The following WIZ variants were observed in gnomAD, a reference collection of about 807,000 sequenced individuals.
The protein encoded by WIZ is protein Wiz.
WIZ carries 25 observed loss-of-function variants against 140.2 expected under a neutral mutation model. That is an observed-to-expected ratio of 0.18 (90% CI 0.13 to 0.25). The LOEUF (loss-of-function observed/expected upper bound fraction) is 0.25, where lower values mean the gene tolerates loss of function less well. Among genes scored for constraint, WIZ ranks in the 10% least tolerant of loss-of-function variants. The probability of loss-of-function intolerance (pLI) is 1.00; values close to 1 mark genes in which losing one functional copy is unlikely to be tolerated. For synonymous variants in WIZ, 1,125 were observed against 1,154.3 expected (o/e 0.97, Z 0.51); for missense variants, 2,231 against 2,632.6 (o/e 0.85, Z 3.34).
At chr19:15,426,630 T>G (rs1968839622) in intron 9 of WIZ, among the ~76,000 whole-genome samples, 1 of 152,250 alleles carries the variant, frequency 6.6e-6, no homozygotes. Context: ...AGACGTTCAC[T>G]GCCAGTCCCT....
In WIZ at chr19:15,432,576, G is replaced by C. The variant is rs1012451690; in HGVS notation, c.2741-1394C>G. 4.0e-4 allele frequency: 206 copies of C among 517,676 alleles called. 1 individual carries two copies. The highest frequency in any genetic ancestry group is 4.7e-4 in the Non-Finnish European group (191 of 406,440). The allele number at this position is 517,676 out of a possible 1,614,324, so 32.1% of individuals were successfully genotyped here. ...GCGGCGGCGCGGGGGGTGCCGCGGG[G>C]CCCGGGCTCGGGGGGCTGGGCGGGG... On this transcript the variant is annotated intron_variant, in intron 5 of 12. Coordinates refer to ENST00000673675, the MANE Select transcript of WIZ (RefSeq NM_001371589.1).
At position 15,428,399 on chromosome 19, in the gene WIZ, G is replaced by A. The variant is rs1234237467; in HGVS notation, c.3525C>T (p.Gly1175=). The change falls in exon 8 of 13, where the codon GGC becomes GGT. Residue 1175 remains glycine (G), a synonymous_variant. Transcript: ENST00000673675. This position sits in a 1 kb window ranked among gnomAD's most constrained non-coding sequence, Gnocchi z 6.4. ...ATCCCTTGGCGTCCGGATCGCTGAC[G>A]CCCAGGTGGCGCAGGTGGGCACGGG... ...SHARAHLRHL[G]VSDPDAKGSP... is the part of the protein sequence containing the mutation. 3.3e-6 allele frequency: 5 copies of A among 1,535,554 alleles called. No homozygotes were observed. Among genetic ancestry groups the A allele is most frequent in the East Asian group, 2.4e-5 (1 of 40,900 alleles).
intron 2 of WIZ, among the ~76,000 whole-genome samples, chr19:15,447,531 C>T (rs1183596032): frequency 6.6e-6 from 1 of 152,238 alleles, no homozygotes; most frequent in Non-Finnish European, 1.5e-5. Context: ...TTCCCAGTGC[C>T]TAGCACATAC....
Position 15,439,941 on chromosome 19 carries a change from C to T in WIZ, c.1053G>A (p.Pro351=), listed in dbSNP as rs982796916. ...CCCAGCCACACTCCCCGCAGGCCAG[C>T]GGGGCCAGGTCCGCAGGGGGCTCCT... ...PGQEPPADLA[P]LACGECGWAF... Residue 351 remains proline (P), a synonymous_variant, in exon 4 of 13, where the codon CCG becomes CCA. Coordinates refer to ENST00000673675, the MANE Select transcript of WIZ (RefSeq NM_001371589.1). This position sits in a 1 kb window ranked among gnomAD's most constrained non-coding sequence, Gnocchi z 7.0. 8.1e-5 allele frequency: 124 copies of T among 1,534,034 alleles called. No individual in the cohort carries two copies. The highest frequency in any genetic ancestry group is 6.3e-4 in the African/African-American group (46 of 73,114).
At chr19:15,443,641 A>C (rs1402460814) in intron 2 of WIZ, among the ~76,000 whole-genome samples, 1 of 152,138 alleles carries the variant, frequency 6.6e-6, no homozygotes, top group African/African-American at 2.4e-5. Context: ...TTTCTTTCTT[A>C]GAACTTTCTG....
intron 2 of WIZ, among the ~76,000 whole-genome samples, chr19:15,444,671 G>C (rs1433194511): frequency 6.6e-6 from 1 of 152,214 alleles, no homozygotes; most frequent in Non-Finnish European, 1.5e-5. Context: ...GTTGGAGAGG[G>C]CGTTCAGAGT....
At chr19:15,432,517 G>A in intron 5 of WIZ, 2 of 962,732 alleles carry the variant, frequency 2.1e-6, no homozygotes, top group Non-Finnish European at 2.5e-6. Flanking sequence ...CGGTGGCGGT[G>A]GTGGTGGCGG....
intron 2 of WIZ, among the ~76,000 whole-genome samples, chr19:15,447,471 T>C (rs1015616321): frequency 6.6e-6 from 1 of 152,200 alleles, no homozygotes. Flanking sequence ...CCTACTAGAG[T>C]GTCAGCCCCT....
chr19:15,441,703 G>A (rs1050309095), intron 3 of WIZ, among the ~76,000 whole-genome samples: 1 of 152,170 alleles, frequency 6.6e-6, no homozygotes, highest in East Asian at 1.9e-4. Flanking sequence ...CAGATGTTGG[G>A]TGGAGACCAT....
rs753515684 is a variant in WIZ at position 15,425,644 on chromosome 19, G to A, written c.4491C>T (p.Ser1497=). Residue 1497 remains serine (S), a synonymous_variant, in exon 10 of 13, where the codon TCC becomes TCT. Transcript: ENST00000673675. Reference sequence around the variant, plus strand: ...GTGTGTCGATGGGCGAACCATTGACGGACCACTCGGTCACACCCATCTGCC... The same window carrying A: ...GTGTGTCGATGGGCGAACCATTGACAGACCACTCGGTCACACCCATCTGCC... ...HLRQMGVTEW[S]VNGSPIDTLR... is the part of the protein sequence containing the mutation. The A allele has an allele frequency of 2.7e-5, 43 of 1,613,398 alleles. 1 individual carries two copies. Among genetic ancestry groups the A allele is most frequent in the South Asian group, 2.5e-4 (23 of 91,054 alleles).
chr19:15,425,644 G>C lies in WIZ; in HGVS notation c.4491C>G (p.Ser1497=), dbSNP rs753515684. 4 of 1,613,516 alleles carry C rather than the reference G, an allele frequency of 2.5e-6. No homozygotes were observed. The East Asian group carries it at 6.7e-5, about 27-fold the overall frequency. Residue 1497 remains serine (S), a synonymous_variant, in exon 10 of 13, where the codon TCC becomes TCG. Coordinates refer to ENST00000673675, the MANE Select transcript of WIZ (RefSeq NM_001371589.1). ...GTGTGTCGATGGGCGAACCATTGAC[G>C]GACCACTCGGTCACACCCATCTGCC... ...HLRQMGVTEW[S]VNGSPIDTLR...
Position 15,425,825 on chromosome 19 carries a change from AGGGAGGAGGAG to A in WIZ, c.4367-68_4367-58del, listed in dbSNP as rs1568290164. The A allele has an allele frequency of 6.0e-4, 25 of 41,956 alleles. 2 individuals carry two copies. The highest frequency in any genetic ancestry group is 4.9e-3 in the African/African-American group (10 of 2,030). 2.6% of individuals were successfully genotyped at this position (41,956 alleles called of 1,614,324 possible). The stretch of plus-strand genomic sequence containing the variant: ...AGGAGGAGGAGGAGGAGGGAGGAGG[AGGGAGGAGGAG>A]GGAGGAGGAGGAGGGAGGAGGGAGG... On this transcript the variant is annotated intron_variant, in intron 9 of 12. Coordinates refer to ENST00000673675, the MANE Select transcript of WIZ (RefSeq NM_001371589.1).
chr19:15,442,705 G>A lies in WIZ; in HGVS notation c.249C>T (p.Val83=). 1 of 1,232,514 alleles carries A rather than the reference G, an allele frequency of 8.1e-7. No homozygotes were observed. The highest frequency in any genetic ancestry group is 1.0e-6 in the Non-Finnish European group (1 of 988,280). The allele number at this position is 1,232,514 out of a possible 1,614,324, so 76.3% of individuals were successfully genotyped here. Residue 83 remains valine (V), a synonymous_variant, in exon 3 of 13, where the codon GTC becomes GTT. Transcript: ENST00000673675. This position sits in a 1 kb window ranked among gnomAD's most constrained non-coding sequence, Gnocchi z 5.5. ...TGCTGATCCGATGGGTGGCGGAGGT[G>A]ACACGGGGGAGGGCTTCGCTGAGGC... The part of the protein sequence containing the change: ...HPGLSEALPR[V]TSATHRISSC...
At chr19:15,441,915 G>C (rs984938050) in intron 3 of WIZ, among the ~76,000 whole-genome samples, 1 of 152,084 alleles carries the variant, frequency 6.6e-6, no homozygotes, top group African/African-American at 2.4e-5. Context: ...GGCCAGGCAT[G>C]GTGGCTCATG....
At chr19:15,425,112 C>G in intron 10 of WIZ, 80 bp from the exon 11 acceptor site, 1 of 1,507,300 alleles carries the variant, frequency 6.6e-7, no homozygotes, top group South Asian at 1.3e-5. Context: ...AGGCCAGGTG[C>G]CAATCCCGCC....
intron 9 of WIZ, 144 bp downstream of exon 9, chr19:15,426,838 G>C: frequency 1.1e-6 from 1 of 930,452 alleles, no homozygotes; most frequent in Non-Finnish European, 1.6e-6. Context: ...CTGCATAGCA[G>C]GAATACACAG....
At chr19:15,434,347 G>C (rs1285610061) in intron 5 of WIZ, among the ~76,000 whole-genome samples, 1 of 151,496 alleles carries the variant, frequency 6.6e-6, no homozygotes, top group Non-Finnish European at 1.5e-5. Context: ...GGATCACAAG[G>C]TCAGGAGATC....
intron 5 of WIZ, chr19:15,432,472 G>A (rs1969316708): frequency 3.1e-6 from 3 of 982,202 alleles, no homozygotes; most frequent in South Asian, 4.6e-5. Context: ...CCCCGGCTCC[G>A]GCTCGGCCTT....
intron 5 of WIZ, chr19:15,436,559 T>TC: frequency 2.1e-6 from 1 of 476,374 alleles, no homozygotes; most frequent in East Asian, 3.8e-5. Flanking sequence ...TAAGCATTTG[T>TC]CAAAGTCACT....
Sources: gnomAD v4.1 joint callset for allele counts (sites outside exome capture counted in the v4.1 genomes callset) on GRCh38, gnomAD v4.1.1 for gene constraint, Gnocchi (gnomAD v3.1) non-coding constraint, MANE v1.5 for transcripts, NCBI Gene and HGNC (gene_info 2026-07-23, HGNC 2026-07-21) for gene names.